The following USP3 variants were observed in gnomAD, a reference collection of about 807,000 sequenced individuals.
USP3 encodes ubiquitin specific peptidase 3.
Under a neutral mutation model 72.3 loss-of-function variants are expected in USP3, and 20 were observed. The observed-to-expected ratio is 0.28, with a 90% CI of 0.19 to 0.40. USP3 has a LOEUF of 0.40. USP3 is among the 10% of genes least tolerant of loss of function. USP3 has a pLI of 1.00. For synonymous variants in USP3, 222 were observed against 225.3 expected (o/e 0.99, Z 0.13); for missense variants, 479 against 633.9 (o/e 0.76, Z 2.62).
rs771749471 is a variant in USP3, at chr15:63,504,848, C to T, written c.91+18C>T. ...CTGCAGCGGTGAGTGCGGCCACGGG[C>T]CGGCCCCGCAGCGCACCCGAGGCCG... On this transcript the variant is annotated intron_variant, in intron 1 of 14. Transcript: ENST00000380324. 3.2e-6 allele frequency: 5 copies of T among 1,582,780 alleles called. No homozygotes were observed. Among genetic ancestry groups the T allele is most frequent in the African/African-American group, 2.8e-5 (2 of 72,286 alleles).
At position 63,588,324 on chromosome 15, in the gene USP3, C is replaced by T. The variant is rs1206789426; in HGVS notation, c.1116C>T (p.Thr372=). ...GTTTAGATTGTCTTCGCAGTTTTAC[C>T]GACTTAGAAGAACTTGATGAGACAG... ...CSLRDCLRSF[T]DLEELDETEL... is the part of the protein sequence containing the mutation. Residue 372 remains threonine (T), a synonymous_variant, in exon 12 of 15, where the codon ACC becomes ACT. Transcript: ENST00000380324. This position sits in a 1 kb window ranked among gnomAD's most constrained non-coding sequence, Gnocchi z 4.6. 9 of 1,592,878 alleles carry T rather than the reference C, an allele frequency of 5.7e-6. No homozygotes were observed. The highest frequency in any genetic ancestry group is 4.6e-5 in the South Asian group (4 of 86,512).
chr15:63,580,706 A>C (rs2066942688), intron 11 of USP3, among the ~76,000 whole-genome samples: 1 of 125,514 alleles, frequency 8.0e-6, no homozygotes. Flanking sequence ...ACTTATTTTA[A>C]TATTTATATA....
chr15:63,583,672 T>C (rs1167373255), intron 11 of USP3, among the ~76,000 whole-genome samples: 3 of 152,210 alleles, frequency 2.0e-5, no homozygotes, highest in Admixed American at 6.5e-5. Flanking sequence ...GTAACTCTTA[T>C]TGTATCCTCT....
chr15:63,584,775 C>T (rs575603965), intron 11 of USP3, among the ~76,000 whole-genome samples: 6 of 152,226 alleles, frequency 3.9e-5, no homozygotes, highest in Non-Finnish European at 7.4e-5. Context: ...TAAAGTTCAG[C>T]TTATCTATTT....
At chr15:63,521,940 C>T (rs1244384897) in intron 1 of USP3, among the ~76,000 whole-genome samples, 1 of 152,200 alleles carries the variant, frequency 6.6e-6, no homozygotes, top group Admixed American at 6.5e-5. Flanking sequence ...TGCTGGTCTC[C>T]TCCGGTGATT....
chr15:63,583,985 AGT>A (rs2152682935), intron 11 of USP3, among the ~76,000 whole-genome samples: 1 of 151,508 alleles, frequency 6.6e-6, no homozygotes, highest in African/African-American at 2.4e-5. Context: ...TATACCTAAG[AGT>A]GGAATCGCTG....
At position 63,586,857 on chromosome 15, in the gene USP3, CAGGGAGGCGAGAATTGAGTTGT is replaced by C. The variant is rs1468819424; in HGVS notation, c.1097-1439_1097-1418del. 3.3e-5 allele frequency: 5 copies of C among 152,264 alleles called. No individual in the cohort carries two copies. The South Asian group carries it at 6.2e-4, about 19-fold the overall frequency. 9.4% of individuals were successfully genotyped at this position (152,264 alleles called of 1,614,324 possible). On this transcript the variant is annotated intron_variant, in intron 11 of 14. Transcript: ENST00000380324. ...AAGAAGTGAGAATTGAATTGAGTTG[CAGGGAGGCGAGAATTGAGTTGT>C]AGGGAGGCAGGCATAGGAATGTGCC...
chr15:63,531,860 A>G (rs1188301243), intron 1 of USP3, among the ~76,000 whole-genome samples: 1 of 152,156 alleles, frequency 6.6e-6, no homozygotes, highest in Non-Finnish European at 1.5e-5. Context: ...TTTGCGCAAA[A>G]TATACATGTT....
chr15:63,518,979 A>G (rs974201125), intron 1 of USP3, among the ~76,000 whole-genome samples: 3 of 152,084 alleles, frequency 2.0e-5, no homozygotes, highest in African/African-American at 7.2e-5. Flanking sequence ...GTTAACCAGG[A>G]TGGTCTGGAT....
At chr15:63,584,092 GTTTTTTTT>G (rs61574200) in intron 11 of USP3, among the ~76,000 whole-genome samples, 2 of 85,598 alleles carry the variant, frequency 2.3e-5, no homozygotes, top group African/African-American at 4.5e-5. Flanking sequence ...CAACGGTTTT[GTTTTTTTT>G]TTTTTTTTTT....
At chr15:63,583,430 G>T (rs563597649) in intron 11 of USP3, among the ~76,000 whole-genome samples, 1 of 152,256 alleles carries the variant, frequency 6.6e-6, no homozygotes, top group African/African-American at 2.4e-5. Flanking sequence ...ACTCCAGCCT[G>T]CATGACAGAG....
Position 63,534,534 on chromosome 15 carries a change from C to T in USP3, c.152+1827C>T, listed in dbSNP as rs79668825. ...CAAAATGTCTAGTTAAAATCCAAAA[C>T]TAGATGAGGGAAATATTTAATTTCC... On this transcript the variant is annotated intron_variant, in intron 2 of 14. Transcript: ENST00000380324. 6.8e-3 allele frequency among the ~76,000 whole-genome samples: 1,040 copies of T among 152,264 alleles called. 14 individuals carry two copies. The highest frequency in any genetic ancestry group is 0.024 in the African/African-American group (1,000 of 41,560).
At chr15:63,580,641 C>CATATATATATAT (rs1210661793) in intron 11 of USP3, among the ~76,000 whole-genome samples, 4 of 49,548 alleles carry the variant, frequency 8.1e-5, no homozygotes, top group African/African-American at 2.8e-4. Flanking sequence ...GAAAGTGGTG[C>CATATATATATAT]ATATATATAT....
At position 63,594,091 on chromosome 15, in the gene USP3, T is replaced by C. The variant is rs1473026107; in HGVS notation, c.*3265T>C. ...TGTGTATCTCGCCTGTGGAACCTACTCAGCAGCTTGGTTTCTGGGGTTGGG... is the reference window on the plus strand; with the variant it reads ...TGTGTATCTCGCCTGTGGAACCTACCCAGCAGCTTGGTTTCTGGGGTTGGG... On this transcript the variant is annotated 3_prime_UTR_variant, in exon 15 of 15. Coordinates refer to ENST00000380324, the MANE Select transcript of USP3 (RefSeq NM_006537.4). 3 of 152,428 alleles carry C rather than the reference T, an allele frequency of 2.0e-5. No homozygotes were observed. The highest frequency in any genetic ancestry group is 4.8e-5 in the African/African-American group (2 of 41,460). 9.4% of individuals were successfully genotyped at this position (152,428 alleles called of 1,614,324 possible).
rs2066285367 is a variant in USP3 at position 63,544,108 on chromosome 15, T to C, written c.284+6952T>C. On this transcript the variant is annotated intron_variant, in intron 3 of 14. Transcript: ENST00000380324. The surrounding 1 kb of genome is among the most constrained non-coding windows in gnomAD (Gnocchi z 4.2). The stretch of plus-strand genomic sequence containing the variant: ...GAAGATATTGTGAATAGCAAGACAT[T>C]TAATATAGTTTATTTCATCTCTAGC... 6.6e-6 allele frequency: 1 copy of C among 150,902 alleles called. No individual in the cohort carries two copies. The highest frequency in any genetic ancestry group is 2.1e-4 in the South Asian group (1 of 4,818). 9.3% of individuals were successfully genotyped at this position (150,902 alleles called of 1,614,324 possible).
At chr15:63,532,796 T>C (rs571680483) in intron 2 of USP3, 89 bp downstream of exon 2, 1 of 1,381,792 alleles carries the variant, frequency 7.2e-7, no homozygotes, top group Non-Finnish European at 1.0e-6. Context: ...GATTTGGATT[T>C]AGTACCATTG....
intron 9 of USP3, among the ~76,000 whole-genome samples, chr15:63,571,425 G>C (rs1424252721): frequency 6.6e-6 from 1 of 152,134 alleles, no homozygotes; most frequent in Admixed American, 6.5e-5. Flanking sequence ...TTAGAAAAGG[G>C]CAACCAATGT....
chr15:63,573,166 CATAAA>C lies in USP3; in HGVS notation c.909-878_909-874del, dbSNP rs994407894. 2.6e-5 allele frequency among the ~76,000 whole-genome samples: 4 copies of C among 152,266 alleles called. No individual in the cohort carries two copies. The East Asian group carries it at 7.7e-4, about 29-fold the overall frequency. ...TTTAAGATACACACTTAGGGAAAAA[CATAAA>C]AGTAAGAAGCAGGTGTAATCTGACT... is the stretch of plus-strand genomic sequence containing the variant. On this transcript the variant is annotated intron_variant, in intron 9 of 14. Coordinates refer to ENST00000380324, the MANE Select transcript of USP3 (RefSeq NM_006537.4).
chr15:63,581,952 G>A lies in USP3; in HGVS notation c.1097-6353G>A, dbSNP rs554136650. 2.9e-4 allele frequency among the ~76,000 whole-genome samples: 44 copies of A among 152,324 alleles called. 1 individual carries two copies. Among genetic ancestry groups the A allele is most frequent in the African/African-American group, 9.1e-4 (38 of 41,574 alleles). ...CTCCACCTCAGCCTCCCAAAGTGCTGGGATTACAGGCGTGAGCCACTATGC... is the reference window on the plus strand; with the variant it reads ...CTCCACCTCAGCCTCCCAAAGTGCTAGGATTACAGGCGTGAGCCACTATGC... On this transcript the variant is annotated intron_variant, in intron 11 of 14. Transcript: ENST00000380324.
Sources: gnomAD v4.1 joint callset for allele counts (sites outside exome capture counted in the v4.1 genomes callset) on GRCh38, gnomAD v4.1.1 for gene constraint, Gnocchi (gnomAD v3.1) non-coding constraint, MANE v1.5 for transcripts, NCBI Gene and HGNC (gene_info 2026-07-23, HGNC 2026-07-21) for gene names.